FBXL17: variants seen among roughly 807,000 people sequenced by gnomAD.
The protein encoded by FBXL17 is F-box/LRR-repeat protein 17.
Under a neutral mutation model 66.2 loss-of-function variants are expected in FBXL17, and 22 were observed. The ratio of observed to expected loss-of-function variants is 0.33; its 90% CI spans 0.24 to 0.47. The LOEUF (loss-of-function observed/expected upper bound fraction) is 0.47. Among genes scored for constraint, FBXL17 ranks in the 20% least tolerant of loss-of-function variants. FBXL17 has a pLI of 1.00. For synonymous variants in FBXL17, 474 were observed against 400.5 expected (o/e 1.18, Z -2.19); for missense variants, 878 against 948.2 (o/e 0.93, Z 0.97).
At chr5:108,240,585 C>G (rs1435958299) in intron 4 of FBXL17, among the ~76,000 whole-genome samples, 1 of 152,134 alleles carries the variant, frequency 6.6e-6, no homozygotes, top group Non-Finnish European at 1.5e-5. Flanking sequence ...ATTCCAGTCC[C>G]TAGACACCAG....
Position 108,186,128 on chromosome 5 carries a change from G to A in FBXL17, c.1734C>T (p.Ile578=), listed in dbSNP as rs756074365. The stretch of plus-strand genomic sequence containing the variant: ...GTTACAATGGTTACCTGTCATTTAT[G>A]ATCCAGTTCAGACAGAGATTGAGAG... ...LSSLNLCLNW[I]INDRCVEVIA... Residue 578 remains isoleucine (I), a synonymous_variant, in exon 6 of 9, where the codon ATC becomes ATT. Coordinates refer to ENST00000542267, the MANE Select transcript of FBXL17 (RefSeq NM_001163315.3). The A allele has an allele frequency of 6.8e-6, 11 of 1,609,818 alleles. No individual in the cohort carries two copies. In the East Asian group the frequency reaches 2.2e-4, roughly 33 times the overall value.
chr5:108,146,378 T>A (rs982700384), intron 6 of FBXL17, among the ~76,000 whole-genome samples: 1 of 152,090 alleles, frequency 6.6e-6, no homozygotes, highest in African/African-American at 2.4e-5. Flanking sequence ...TCCATGGTAA[T>A]TCTAGTGGTA....
chr5:108,217,016 G>T (rs796994313), intron 5 of FBXL17, among the ~76,000 whole-genome samples: 2 of 152,086 alleles, frequency 1.3e-5, no homozygotes, highest in Non-Finnish European at 2.9e-5. Context: ...GGGTTCCAGT[G>T]GGCACTCTAC....
In FBXL17 at chr5:108,147,014, C is replaced by A. The variant is rs143920119; in HGVS notation, c.1745+39103G>T. Among the ~76,000 whole-genome samples the A allele has an allele frequency of 1.2e-3, 184 of 152,296 alleles. 1 individual carries two copies. The highest frequency in any genetic ancestry group is 3.5e-3 in the African/African-American group (146 of 41,558). On this transcript the variant is annotated intron_variant, in intron 6 of 8. Transcript: ENST00000542267. ...TTCTCTCTCTGCTTCATAGAAGGTGCCTTGCTGTTGCATCCTCACATGGTG... is the reference window on the plus strand; with the variant it reads ...TTCTCTCTCTGCTTCATAGAAGGTGACTTGCTGTTGCATCCTCACATGGTG...
chr5:108,214,245 C>CACT (rs1754499181), intron 5 of FBXL17, among the ~76,000 whole-genome samples: 1 of 152,094 alleles, frequency 6.6e-6, no homozygotes, highest in Admixed American at 6.6e-5. Flanking sequence ...TGGTTTAAGG[C>CACT]ATCCACTGGG....
rs755578100 is a variant in FBXL17 at position 108,381,721 on chromosome 5, CGGGA to C, written c.-34_-31del. The C allele has an allele frequency of 2.1e-6, 3 of 1,419,222 alleles. No individual in the cohort carries two copies. The highest frequency in any genetic ancestry group is 2.7e-6 in the Non-Finnish European group (3 of 1,092,982). 87.9% of individuals were successfully genotyped at this position (1,419,222 alleles called of 1,614,324 possible). A position where few individuals can be genotyped will look rare whatever the true frequency, so the allele number is the denominator to read the frequency against. ...AAGGCCCCGAGGAGGGGGACCGGGA[CGGGA>C]GGGAGGGAGACCCAGAGAGGCGGGC... On this transcript the variant is annotated 5_prime_UTR_variant, in exon 1 of 9. Transcript: ENST00000542267.
At chr5:108,109,131 T>C (rs965697222) in intron 6 of FBXL17, among the ~76,000 whole-genome samples, 1 of 152,004 alleles carries the variant, frequency 6.6e-6, no homozygotes, top group African/African-American at 2.4e-5. Context: ...AGGAGAACAG[T>C]AAGGGAAATA....
chr5:108,069,368 A>T (rs188737121), intron 6 of FBXL17, among the ~76,000 whole-genome samples: 58 of 152,366 alleles, frequency 3.8e-4, no homozygotes, highest in Admixed American at 1.4e-3. Flanking sequence ...TTTTAAAAAT[A>T]GGAACATTAA....
Position 108,338,769 on chromosome 5 carries a change from C to T in FBXL17, c.1506+9630G>A, listed in dbSNP as rs2150252927. Among the ~76,000 whole-genome samples the T allele has an allele frequency of 2.6e-5, 4 of 152,088 alleles. No individual in the cohort carries two copies. The East Asian group carries it at 7.7e-4, about 29-fold the overall frequency. On this transcript the variant is annotated intron_variant, in intron 4 of 8. Coordinates refer to ENST00000542267, the MANE Select transcript of FBXL17 (RefSeq NM_001163315.3). ...CAACAACAACAAAAAGAATCCACCC[C>T]AAAACTCACATGATGAATACATCCT...
intron 4 of FBXL17, among the ~76,000 whole-genome samples, chr5:108,243,786 T>C (rs543396963): frequency 5.7e-4 from 87 of 152,282 alleles, no homozygotes; most frequent in African/African-American, 2.0e-3. Flanking sequence ...CAAAAGTTGA[T>C]TGTGTGGCTA....
At chr5:107,982,942 G>A (rs572560682) in intron 7 of FBXL17, among the ~76,000 whole-genome samples, 1 of 152,188 alleles carries the variant, frequency 6.6e-6, no homozygotes, top group South Asian at 2.1e-4. Context: ...CACCTAGAAG[G>A]CTGTTCTCAG....
chr5:108,003,797 T>C (rs974875730), intron 7 of FBXL17, among the ~76,000 whole-genome samples: 1 of 151,998 alleles, frequency 6.6e-6, no homozygotes, highest in Non-Finnish European at 1.5e-5. Flanking sequence ...CATTATAGCA[T>C]AGGGATGGAT....
chr5:108,355,660 G>A (rs1489704390), intron 3 of FBXL17, among the ~76,000 whole-genome samples: 1 of 152,110 alleles, frequency 6.6e-6, no homozygotes, highest in African/African-American at 2.4e-5. Context: ...TGAAAGTGGA[G>A]TTGGTTATAA....
At chr5:108,357,788 G>A (rs999062143) in intron 3 of FBXL17, among the ~76,000 whole-genome samples, 1 of 150,822 alleles carries the variant, frequency 6.6e-6, no homozygotes, top group African/African-American at 2.4e-5. Flanking sequence ...TTGTTACATA[G>A]GTATACATGA....
At chr5:108,053,264 A>G (rs1419594698) in intron 6 of FBXL17, among the ~76,000 whole-genome samples, 1 of 152,198 alleles carries the variant, frequency 6.6e-6, no homozygotes, top group Non-Finnish European at 1.5e-5. Context: ...CAGGCAACCT[A>G]AAGAATGAGA....
At chr5:108,371,720 A>C (rs1418312113) in intron 1 of FBXL17, among the ~76,000 whole-genome samples, 2 of 152,226 alleles carry the variant, frequency 1.3e-5, no homozygotes, top group African/African-American at 4.8e-5. Context: ...ATTAATAAAA[A>C]GTAGAAATTA....
At chr5:108,217,750 T>A (rs1580634526) in intron 5 of FBXL17, among the ~76,000 whole-genome samples, 1 of 152,182 alleles carries the variant, frequency 6.6e-6, no homozygotes, top group African/African-American at 2.4e-5. Flanking sequence ...TGAAATTTTG[T>A]ATTCTTCAAC....
At chr5:108,254,578 T>A (rs1312425771) in intron 4 of FBXL17, among the ~76,000 whole-genome samples, 1 of 152,192 alleles carries the variant, frequency 6.6e-6, no homozygotes, top group African/African-American at 2.4e-5. Flanking sequence ...AAATCATAAA[T>A]GCCTCTAATT....
At chr5:107,902,813 CAA>C (rs1459616759) in intron 7 of FBXL17, among the ~76,000 whole-genome samples, 1 of 151,690 alleles carries the variant, frequency 6.6e-6, no homozygotes, top group East Asian at 1.9e-4. Context: ...TTTAATTGCA[CAA>C]AGTGTTTTTT....
Sources: gnomAD v4.1 joint callset for allele counts (sites outside exome capture counted in the v4.1 genomes callset) on GRCh38, gnomAD v4.1.1 for gene constraint, MANE v1.5 for transcripts, NCBI Gene and HGNC (gene_info 2026-07-23, HGNC 2026-07-21) for gene names.